The following RALYL variants were observed in gnomAD, a reference collection of about 807,000 sequenced individuals.
RALYL encodes RNA-binding Raly-like protein.
In RALYL, 29 loss-of-function variants were observed where a neutral mutation model predicts 35.1. That is an observed-to-expected ratio of 0.83 (90% CI 0.61 to 1.13). RALYL has a LOEUF of 1.13. RALYL is among the 50% of genes most tolerant of loss of function. The pLI is 0.00. For missense variants in RALYL, 359 were observed against 360.4 expected, an observed-to-expected ratio of 1.00 and a Z score of 0.03; for synonymous variants, 120 against 127.6, an observed-to-expected ratio of 0.94 and a Z score of 0.40.
intron 1 of RALYL, among the ~76,000 whole-genome samples, chr8:84,236,276 G>A (rs1490381813): frequency 6.6e-6 from 1 of 152,088 alleles, no homozygotes; most frequent in African/African-American, 2.4e-5. Flanking sequence ...AGTAACTCAG[G>A]ATCACAAAGC....
At chr8:84,269,987 G>A (rs1017914279) in intron 1 of RALYL, among the ~76,000 whole-genome samples, 1 of 151,962 alleles carries the variant, frequency 6.6e-6, no homozygotes, top group African/African-American at 2.4e-5. Flanking sequence ...TAATTTTACT[G>A]TTGGAATGCC....
intron 1 of RALYL, among the ~76,000 whole-genome samples, chr8:84,523,018 G>A (rs1407019296): frequency 6.6e-6 from 1 of 152,042 alleles, no homozygotes; most frequent in Non-Finnish European, 1.5e-5. Context: ...TTACATGGTG[G>A]CAGGCAAGAA....
At chr8:84,787,080 T>C (rs1444732654) in intron 3 of RALYL, among the ~76,000 whole-genome samples, 1 of 152,186 alleles carries the variant, frequency 6.6e-6, no homozygotes, top group Admixed American at 6.5e-5. Flanking sequence ...TACATAGGTA[T>C]ACACATGCTA....
intron 4 of RALYL, among the ~76,000 whole-genome samples, chr8:84,834,149 C>A (rs112421452): frequency 9.7e-4 from 148 of 152,242 alleles, no homozygotes; most frequent in African/African-American, 3.5e-3. Flanking sequence ...TACTCTTCGA[C>A]TACGTGTCAC....
chr8:84,437,632 T>C, intron 1 of RALYL, among the ~76,000 whole-genome samples: 1 of 152,232 alleles, frequency 6.6e-6, no homozygotes, highest in East Asian at 1.9e-4. Flanking sequence ...TATTTGTCCC[T>C]GCCCAAATCT....
intron 4 of RALYL, among the ~76,000 whole-genome samples, chr8:84,826,616 A>G (rs2134312092): frequency 6.6e-6 from 1 of 152,250 alleles, no homozygotes; most frequent in East Asian, 1.9e-4. Flanking sequence ...TCATCCCAAA[A>G]GACAATCAAA....
At chr8:84,256,771 G>A (rs928562055) in intron 1 of RALYL, among the ~76,000 whole-genome samples, 9 of 151,962 alleles carry the variant, frequency 5.9e-5, no homozygotes, top group African/African-American at 2.2e-4. Flanking sequence ...GTACCACAAC[G>A]GTCATGCTCA....
intron 1 of RALYL, among the ~76,000 whole-genome samples, chr8:84,400,167 T>C (rs745322285): frequency 6.6e-6 from 1 of 152,174 alleles, no homozygotes; most frequent in Non-Finnish European, 1.5e-5. Context: ...TTTTGGATTT[T>C]GGAATATTTG....
chr8:84,710,001 C>G (rs559531107), intron 2 of RALYL, among the ~76,000 whole-genome samples: 13 of 152,172 alleles, frequency 8.5e-5, no homozygotes, highest in African/African-American at 3.1e-4. Flanking sequence ...GTGGAGGTTG[C>G]AGTGAGCCAA....
chr8:84,910,797 A>G (rs1847391274), intron 8 of RALYL, among the ~76,000 whole-genome samples: 1 of 151,788 alleles, frequency 6.6e-6, no homozygotes, highest in Admixed American at 6.6e-5. Flanking sequence ...TATAGGAAAA[A>G]TAATATTAAT....
intron 1 of RALYL, among the ~76,000 whole-genome samples, chr8:84,298,874 G>A (rs1203998796): frequency 6.6e-6 from 1 of 151,944 alleles, no homozygotes; most frequent in Non-Finnish European, 1.5e-5. Flanking sequence ...TGTTACTGGT[G>A]TATAGAAATA....
chr8:84,799,162 A>T (rs1252494008), intron 3 of RALYL, among the ~76,000 whole-genome samples: 1 of 152,194 alleles, frequency 6.6e-6, no homozygotes, highest in Non-Finnish European at 1.5e-5. Flanking sequence ...GGTACTTGAA[A>T]TACAGTTTGT....
intron 2 of RALYL, among the ~76,000 whole-genome samples, chr8:84,744,211 G>T (rs1808075750): frequency 6.6e-6 from 1 of 151,974 alleles, no homozygotes; most frequent in South Asian, 2.1e-4. Flanking sequence ...GCAAACATTT[G>T]CTTAGCCACT....
chr8:84,516,331 C>T (rs1460486361), intron 1 of RALYL, among the ~76,000 whole-genome samples: 1 of 142,688 alleles, frequency 7.0e-6, no homozygotes, highest in Admixed American at 7.1e-5. Flanking sequence ...GAGAGATATA[C>T]ACCAGAAGTA....
intron 1 of RALYL, among the ~76,000 whole-genome samples, chr8:84,409,256 A>G (rs991412779): frequency 1.6e-4 from 24 of 152,100 alleles, no homozygotes; most frequent in African/African-American, 5.8e-4. Flanking sequence ...TAATTTATCT[A>G]TTATGTATTC....
At chr8:84,635,606 A>T (rs1266574643) in intron 2 of RALYL, among the ~76,000 whole-genome samples, 1 of 151,578 alleles carries the variant, frequency 6.6e-6, no homozygotes, top group Non-Finnish European at 1.5e-5. Flanking sequence ...AATCATAAAA[A>T]CCTCTAGATA....
At chr8:84,478,664 A>T (rs996979436) in intron 1 of RALYL, among the ~76,000 whole-genome samples, 1 of 152,112 alleles carries the variant, frequency 6.6e-6, no homozygotes, top group African/African-American at 2.4e-5. Flanking sequence ...AGTATTCCAC[A>T]TAGGGTAACC....
At chr8:84,754,943 G>T (rs1246746691) in intron 2 of RALYL, among the ~76,000 whole-genome samples, 1 of 152,134 alleles carries the variant, frequency 6.6e-6, no homozygotes, top group Admixed American at 6.5e-5. Context: ...CTTTTTGGTA[G>T]ATGTGCTTGG....
chr8:84,651,974 A>C (rs1828933960), intron 2 of RALYL, among the ~76,000 whole-genome samples: 1 of 152,092 alleles, frequency 6.6e-6, no homozygotes, highest in South Asian at 2.1e-4. Context: ...TAAAGATCTT[A>C]GAATCTTTTG....
Sources: allele counts gnomAD v4.1 joint callset (sites outside exome capture counted in the v4.1 genomes callset), GRCh38; gene constraint gnomAD v4.1.1; transcripts MANE v1.5; gene names NCBI Gene and HGNC (gene_info 2026-07-23, HGNC 2026-07-21).